ESS2: variants seen among roughly 807,000 people sequenced by gnomAD.
The protein encoded by ESS2 is ess-2 spliceosome associated protein, also known as splicing factor ESS-2 homolog.
A neutral mutation model predicts 52.0 loss-of-function variants in ESS2; 31 were observed. The observed-to-expected ratio is 0.60, with a 90% CI of 0.45 to 0.81. The LOEUF (loss-of-function observed/expected upper bound fraction) is 0.81, where lower values mean the gene tolerates loss of function less well. ESS2 is among the 30% of genes least tolerant of loss of function. ESS2 has a pLI of 0.00. For synonymous variants in ESS2, 285 were observed against 259.2 expected (o/e 1.10, Z -0.95); for missense variants, 602 against 637.2 (o/e 0.94, Z 0.59).
chr22:19,141,947 A>G (rs1303212191), intron 3 of ESS2, among the ~76,000 whole-genome samples: 1 of 152,148 alleles, frequency 6.6e-6, no homozygotes, highest in African/African-American at 2.4e-5. Flanking sequence ...CCGGGATCAC[A>G]CCATTTTACT....
Position 19,139,704 on chromosome 22 carries a change from G to C in ESS2, c.596C>G (p.Pro199Arg). The change falls in exon 5 of 10, where the codon CCG becomes CGG. Residue 199 changes from proline (P) to arginine (R), a missense_variant. By Grantham distance (103) the Pro-to-Arg change is moderately radical. Coordinates refer to ENST00000252137, the MANE Select transcript of ESS2 (RefSeq NM_022719.3). Reference sequence around the variant, plus strand: ...CTCGATGGCCTGGTGCTCTGCTGACGGGAGTTCGAGATTATCTTTCTGCCT... The same window carrying C: ...CTCGATGGCCTGGTGCTCTGCTGACCGGAGTTCGAGATTATCTTTCTGCCT... ...EKRQKDNLELPSAEHQAIESS... is the reference protein window; with the variant it reads ...EKRQKDNLELRSAEHQAIESS... 6.2e-7 allele frequency: 1 copy of C among 1,614,156 alleles called. No homozygotes were observed. Among genetic ancestry groups the C allele is most frequent in the Non-Finnish European group, 8.5e-7 (1 of 1,180,020 alleles).
chr22:19,138,219 G>T lies in ESS2; in HGVS notation c.921C>A (p.Ala307=). The part of the protein sequence containing the change: ...GFGFVATPSP[A]PGVNESPMMT... ...GCCAGTGGGCACTTTTCTCACCAGGGGCAGGGGAAGGAGTGGCAACAAATC... is the reference window on the plus strand; with the variant it reads ...GCCAGTGGGCACTTTTCTCACCAGGTGCAGGGGAAGGAGTGGCAACAAATC... The change falls in exon 7 of 10, where the codon GCC becomes GCA. Residue 307 remains alanine (A), a synonymous_variant. Transcript: ENST00000252137. 6.2e-7 allele frequency: 1 copy of T among 1,614,014 alleles called. No individual in the cohort carries two copies. Among genetic ancestry groups the T allele is most frequent in the Admixed American group, 1.7e-5 (1 of 60,014 alleles).
chr22:19,137,445 A>T lies in ESS2; in HGVS notation c.926-13T>A. 6.2e-7 allele frequency: 1 copy of T among 1,603,702 alleles called. No individual in the cohort carries two copies. Among genetic ancestry groups the T allele is most frequent in the South Asian group, 1.1e-5 (1 of 90,538 alleles). On this transcript the variant is annotated splice_polypyrimidine_tract_variant and intron_variant, in intron 7 of 9. Transcript: ENST00000252137. ...GACTCGTTCACACCTGCAGACAAAG[A>T]GCCCAAAACCACCTCAGGCCAGAGG...
intron 1 of ESS2, among the ~76,000 whole-genome samples, chr22:19,143,435 C>T (rs893212335): frequency 2.6e-5 from 4 of 152,244 alleles, no homozygotes; most frequent in South Asian, 2.1e-4. Context: ...TTCTGAAGTC[C>T]GTGAAACCCT....
Position 19,139,641 on chromosome 22 carries a change from G to A in ESS2, c.659C>T (p.Ala220Val), listed in dbSNP as rs775775567. 2 of 1,614,136 alleles carry A rather than the reference G, an allele frequency of 1.2e-6. No homozygotes were observed. Among genetic ancestry groups the A allele is most frequent in the Admixed American group, 1.7e-5 (1 of 60,018 alleles). Reference sequence around the variant, plus strand: ...TGGATAGTACATGAGGGAATTCTTGGCCTTGTACTTCCAGGTCTCCACACT... The same window carrying A: ...TGGATAGTACATGAGGGAATTCTTGACCTTGTACTTCCAGGTCTCCACACT... ...QASVETWKYK[A>V]KNSLMYYPEG... is the part of the protein sequence containing the mutation. The change falls in exon 5 of 10, where the codon GCC becomes GTC. Residue 220 changes from alanine (A) to valine (V), a missense_variant. Transcript: ENST00000252137.
intron 6 of ESS2, 88 bp downstream of exon 6, chr22:19,139,071 A>C: frequency 6.8e-7 from 1 of 1,480,780 alleles, no homozygotes; most frequent in Admixed American, 2.2e-5. Flanking sequence ...GAGCTCTGCC[A>C]AGCTCAAAGA....
chr22:19,134,510 A>G, intron 9 of ESS2, 35 bp from the exon 10 acceptor site: 2 of 1,490,402 alleles, frequency 1.3e-6, no homozygotes, highest in South Asian at 1.4e-5. Flanking sequence ...AGGCAGGGTT[A>G]GGTGGGCTGA....
At position 19,138,275 on chromosome 22, in the gene ESS2, G is replaced by A; in HGVS notation, c.865C>T (p.Pro289Ser). ...CCACCCACTCGAGGGGACTCCTGGG[G>A]GATCAGCTCCTTGCCATCGGGGCCC... ...KVGPDGKELI[P>S]QESPRVGGFG... Residue 289 changes from proline to serine, a missense_variant, in exon 7 of 10, where the codon CCC (proline) becomes TCC (serine). Physicochemically the swap from Pro to Ser is moderately conservative, Grantham distance 74 (BLOSUM62 -1). Coordinates refer to ENST00000252137, the MANE Select transcript of ESS2 (RefSeq NM_022719.3). The A allele has an allele frequency of 6.2e-7, 1 of 1,613,958 alleles. No homozygotes were observed. Among genetic ancestry groups the A allele is most frequent in the South Asian group, 1.1e-5 (1 of 91,082 alleles).
At chr22:19,136,702 C>T (rs745513488) in intron 8 of ESS2, among the ~76,000 whole-genome samples, 10 of 152,180 alleles carry the variant, frequency 6.6e-5, no homozygotes, top group Non-Finnish European at 1.2e-4. Context: ...TTATCCCTCT[C>T]GCACGTTTGC....
chr22:19,135,807 C>T (rs2083571503), intron 8 of ESS2, among the ~76,000 whole-genome samples: 5 of 151,946 alleles, frequency 3.3e-5, no homozygotes, highest in Admixed American at 3.3e-4. Flanking sequence ...GTGGGAGGAT[C>T]ACTTGAGCTC....
intron 3 of ESS2, among the ~76,000 whole-genome samples, chr22:19,140,705 TG>T (rs1191706107): frequency 1.3e-5 from 2 of 152,228 alleles, no homozygotes; most frequent in Admixed American, 1.3e-4. Context: ...TGGAGAGCTC[TG>T]CCTTCAAGTC....
At chr22:19,141,795 C>T (rs2083690836) in intron 3 of ESS2, among the ~76,000 whole-genome samples, 1 of 152,078 alleles carries the variant, frequency 6.6e-6, no homozygotes, top group Non-Finnish European at 1.5e-5. Flanking sequence ...CAAGACTAGC[C>T]GGGACAACAT....
intron 3 of ESS2, 61 bp from the exon 4 acceptor site, chr22:19,140,085 A>ACT: frequency 6.3e-7 from 1 of 1,582,268 alleles, no homozygotes; most frequent in Non-Finnish European, 8.6e-7. Context: ...AGAGGAGGAC[A>ACT]CCCAGGCCCA....
intron 8 of ESS2, among the ~76,000 whole-genome samples, chr22:19,136,659 GCT>G (rs1446735138): frequency 1.3e-5 from 2 of 152,070 alleles, no homozygotes; most frequent in African/African-American, 2.4e-5. Flanking sequence ...CTTGCCTTGC[GCT>G]CTCACATTGG....
intron 9 of ESS2, 118 bp from the exon 10 acceptor site, chr22:19,134,593 G>A (rs1324547439): frequency 1.7e-6 from 2 of 1,145,728 alleles, no homozygotes; most frequent in African/African-American, 3.2e-5. Flanking sequence ...TCTGAGCTGA[G>A]GAGGATGGTA....
At chr22:19,142,238 G>C (rs1042339444) in intron 3 of ESS2, among the ~76,000 whole-genome samples, 6 of 152,218 alleles carry the variant, frequency 3.9e-5, no homozygotes, top group African/African-American at 1.4e-4. Flanking sequence ...CTTCAGGATA[G>C]TAACAAAAGG....
chr22:19,135,258 G>C, intron 8 of ESS2, 83 bp from the exon 9 acceptor site: 1 of 1,097,000 alleles, frequency 9.1e-7, no homozygotes, highest in South Asian at 1.4e-5. Context: ...CACTGTGGTG[G>C]GTGCCAGCCT....
intron 1 of ESS2, 59 bp from the exon 2 acceptor site, chr22:19,142,953 TCC>T (rs986539028): frequency 5.2e-6 from 8 of 1,532,202 alleles, no homozygotes; most frequent in Non-Finnish European, 7.1e-6. Context: ...ACACCTGTAA[TCC>T]CAACACTTTG....
intron 8 of ESS2, 33 bp from the exon 9 acceptor site, chr22:19,135,208 C>T: frequency 6.4e-7 from 1 of 1,561,840 alleles, no homozygotes; most frequent in South Asian, 1.1e-5. Flanking sequence ...GTAGCTGCGC[C>T]AGGCCTGCCA....
Sources: gnomAD v4.1 joint callset for allele counts (sites outside exome capture counted in the v4.1 genomes callset) on GRCh38, gnomAD v4.1.1 for gene constraint, MANE v1.5 for transcripts, NCBI Gene and HGNC (gene_info 2026-07-23, HGNC 2026-07-21) for gene names.